The following RARG variants were observed in gnomAD, a reference collection of about 807,000 sequenced individuals.
RARG encodes the protein retinoic acid receptor gamma, also known as RAR-gamma.
Under a neutral mutation model 43.7 loss-of-function variants are expected in RARG, and 17 were observed. The ratio of observed to expected loss-of-function variants is 0.39; its 90% CI spans 0.27 to 0.58. The LOEUF (loss-of-function observed/expected upper bound fraction) is 0.58. Ranked by LOEUF, RARG falls within the 20% of genes least tolerant of loss-of-function variation. The probability of loss-of-function intolerance (pLI) is 0.57; values close to 1 mark genes in which losing one functional copy is unlikely to be tolerated. For missense variants in RARG, 346 were observed against 598.7 expected (o/e 0.58, Z 4.40); for synonymous variants, 238 against 236.4 (o/e 1.01, Z -0.06).
At position 53,215,231 on chromosome 12, in the gene RARG, G is replaced by C; in HGVS notation, c.475+62C>G. ...GGGAAGTGGGAGTGGCCAGAGGAAA[G>C]AGGGCCACAGCCATAGGGTAGGACC... is the stretch of plus-strand genomic sequence containing the variant. On this transcript the variant is annotated intron_variant, in intron 5 of 9. Transcript: ENST00000425354. The surrounding 1 kb of genome is among the most constrained non-coding windows in gnomAD (Gnocchi z 6.4). 6.3e-7 allele frequency: 1 copy of C among 1,581,544 alleles called. No individual in the cohort carries two copies. The highest frequency in any genetic ancestry group is 8.6e-7 in the Non-Finnish European group (1 of 1,161,780).
At chr12:53,220,526 C>T in intron 3 of RARG, 1 of 341,622 alleles carries the variant, frequency 2.9e-6, no homozygotes, top group South Asian at 7.4e-5. Flanking sequence ...CACATCCGTG[C>T]ATGCATTTAT....
At chr12:53,223,523 G>GCC (rs139275762) in intron 3 of RARG, among the ~76,000 whole-genome samples, 2,084 of 103,550 alleles carry the variant, frequency 0.02, 54 homozygotes, top group East Asian at 0.099. Context: ...GGCTCCCCCC[G>GCC]CCCCCCCCCC....
rs1028763275 is a variant in RARG, at chr12:53,213,915, A to G, written c.813+144T>C. On this transcript the variant is annotated intron_variant, in intron 7 of 9. Coordinates refer to ENST00000425354, the MANE Select transcript of RARG (RefSeq NM_000966.6). The surrounding 1 kb of genome is among the most constrained non-coding windows in gnomAD (Gnocchi z 4.7). ...AAGTCTAGGATCAGGTCATAGGGGC[A>G]GAGGCTAAGACGAAAAGAGAGCTGA... 8.7e-7 allele frequency: 1 copy of G among 1,145,400 alleles called. No individual in the cohort carries two copies. Among genetic ancestry groups the G allele is most frequent in the Non-Finnish European group, 1.3e-6 (1 of 799,992 alleles). The allele number at this position is 1,145,400 out of a possible 1,614,324, so 71.0% of individuals were successfully genotyped here.
Position 53,227,311 on chromosome 12 carries a change from A to C in RARG, c.184+51T>G. 6.8e-7 allele frequency: 1 copy of C among 1,476,660 alleles called. No homozygotes were observed. The highest frequency in any genetic ancestry group is 9.0e-7 in the Non-Finnish European group (1 of 1,106,426). 91.5% of individuals were successfully genotyped at this position (1,476,660 alleles called of 1,614,324 possible). ...AACTCTTTTACCATCCACCCTCCTG[A>C]TGCCTTCTTGTTAACATTTGCCTTC... On this transcript the variant is annotated intron_variant, in intron 3 of 9. Transcript: ENST00000425354. This position sits in a 1 kb window ranked among gnomAD's most constrained non-coding sequence, Gnocchi z 4.3.
chr12:53,229,663 C>T (rs1943185495), intron 2 of RARG, among the ~76,000 whole-genome samples: 1 of 152,186 alleles, frequency 6.6e-6, no homozygotes. Context: ...TTTGGGGGCC[C>T]CTGAGGCCCC....
At chr12:53,229,180 A>G (rs1391292022) in intron 2 of RARG, among the ~76,000 whole-genome samples, 1 of 152,224 alleles carries the variant, frequency 6.6e-6, no homozygotes, top group African/African-American at 2.4e-5. Flanking sequence ...AGTCAGAGCC[A>G]TAACAGACTG....
At position 53,227,584 on chromosome 12, in the gene RARG, G is replaced by A. The variant is rs1260578991; in HGVS notation, c.-39C>T. The A allele has an allele frequency of 6.9e-7, 1 of 1,456,226 alleles. No homozygotes were observed. Among genetic ancestry groups the A allele is most frequent in the Admixed American group, 2.6e-5 (1 of 38,868 alleles). 90.2% of individuals were successfully genotyped at this position (1,456,226 alleles called of 1,614,324 possible). On this transcript the variant is annotated 5_prime_UTR_variant, in exon 3 of 10. Coordinates refer to ENST00000425354, the MANE Select transcript of RARG (RefSeq NM_000966.6). This position sits in a 1 kb window ranked among gnomAD's most constrained non-coding sequence, Gnocchi z 4.3. ...TGAGAGTCCCCTGGGGTCTGCAGTGGGCGGGCGAGGTCTTCAGCCACAGCC... is the reference window on the plus strand; with the variant it reads ...TGAGAGTCCCCTGGGGTCTGCAGTGAGCGGGCGAGGTCTTCAGCCACAGCC...
At chr12:53,217,001 T>A (rs1441595576) in intron 3 of RARG, among the ~76,000 whole-genome samples, 2 of 152,146 alleles carry the variant, frequency 1.3e-5, no homozygotes, top group South Asian at 2.1e-4. Context: ...ACCCACCTCA[T>A]GAACACCTTC....
At chr12:53,222,732 A>AC (rs1375349682) in intron 3 of RARG, among the ~76,000 whole-genome samples, 6 of 149,448 alleles carry the variant, frequency 4.0e-5, no homozygotes, top group Admixed American at 2.0e-4. Context: ...ATCAACCCTG[A>AC]CCCCCCCATT....
Position 53,213,089 on chromosome 12 carries a change from A to G in RARG, c.1173T>C (p.Thr391=), listed in dbSNP as rs759977785. 3.7e-6 allele frequency: 6 copies of G among 1,612,360 alleles called. No individual in the cohort carries two copies. The highest frequency in any genetic ancestry group is 5.1e-6 in the Non-Finnish European group (6 of 1,179,082). Residue 391 remains threonine, a synonymous_variant, in exon 9 of 10, where the codon ACT becomes ACC. Coordinates refer to ENST00000425354, the MANE Select transcript of RARG (RefSeq NM_000966.6). This position sits in a 1 kb window ranked among gnomAD's most constrained non-coding sequence, Gnocchi z 4.7. ...GGACACCCACTCATGACTCACCCTT[A>G]GTGCTGATGCCCCGGAGGTCGGTGA... is the stretch of plus-strand genomic sequence containing the variant. ...MKITDLRGIS[T]KGAERAITLK... is the part of the protein sequence containing the mutation.
At chr12:53,220,586 G>C (rs1050330149) in intron 3 of RARG, among the ~76,000 whole-genome samples, 32 of 152,132 alleles carry the variant, frequency 2.1e-4, no homozygotes, top group Non-Finnish European at 4.4e-4. Context: ...ACATACATGT[G>C]AGCACGCATA....
chr12:53,220,369 A>T, intron 3 of RARG: 1 of 894,776 alleles, frequency 1.1e-6, no homozygotes. Flanking sequence ...CACTGGGGAG[A>T]CCTTTTTTAA....
chr12:53,223,428 C>T (rs1039415846), intron 3 of RARG, among the ~76,000 whole-genome samples: 4 of 123,676 alleles, frequency 3.2e-5, no homozygotes, highest in African/African-American at 1.3e-4. Context: ...GGATGTGAGG[C>T]GCGTTGGGCA....
chr12:53,217,696 G>T (rs114503824), intron 3 of RARG, among the ~76,000 whole-genome samples: 123 of 152,324 alleles, frequency 8.1e-4, no homozygotes, highest in African/African-American at 2.9e-3. Context: ...CTCGGGCTTA[G>T]ACCCCACCAT....
At position 53,227,288 on chromosome 12, in the gene RARG, C is replaced by G. The variant is rs1943131345; in HGVS notation, c.184+74G>C. 1.2e-5 allele frequency: 17 copies of G among 1,429,760 alleles called. No individual in the cohort carries two copies. The highest frequency in any genetic ancestry group is 1.4e-5 in the Non-Finnish European group (15 of 1,072,126). The allele number at this position is 1,429,760 out of a possible 1,614,324, so 88.6% of individuals were successfully genotyped here. A position where few individuals can be genotyped will look rare whatever the true frequency, so the allele number is the denominator to read the frequency against. ...CCTGCCTTCCTAACTGGGGTGCCAA[C>G]TCTTTTACCATCCACCCTCCTGATG... is the stretch of plus-strand genomic sequence containing the variant. On this transcript the variant is annotated intron_variant, in intron 3 of 9. Coordinates refer to ENST00000425354, the MANE Select transcript of RARG (RefSeq NM_000966.6). This position sits in a 1 kb window ranked among gnomAD's most constrained non-coding sequence, Gnocchi z 4.3.
chr12:53,213,503 G>A lies in RARG; in HGVS notation c.1011C>T (p.Ile337=). ...ETGLLSAICL[I]CGDRMDLEEP... ...CAGGGGGCGCCCCCGCACCTCCGCA[G>A]ATGAGGCAGATGGCGCTGAGCAGCC... The change falls in exon 8 of 10, where the codon ATC becomes ATT. Residue 337 remains isoleucine, a synonymous_variant. Coordinates refer to ENST00000425354, the MANE Select transcript of RARG (RefSeq NM_000966.6). The surrounding 1 kb of genome is among the most constrained non-coding windows in gnomAD (Gnocchi z 4.7). 4.3e-6 allele frequency: 7 copies of A among 1,613,544 alleles called. No individual in the cohort carries two copies. The highest frequency in any genetic ancestry group is 5.9e-6 in the Non-Finnish European group (7 of 1,180,008).
chr12:53,212,974 A>C (rs1432156424), intron 9 of RARG, 111 bp downstream of exon 9: 1 of 1,302,194 alleles, frequency 7.7e-7, no homozygotes, highest in Non-Finnish European at 1.0e-6. Flanking sequence ...ATTCCAGTGT[A>C]GATTGCCTGG....
Position 53,213,336 on chromosome 12 carries a change from G to C in RARG, c.1019-93C>G. 6.7e-7 allele frequency: 1 copy of C among 1,484,956 alleles called. No homozygotes were observed. Among genetic ancestry groups the C allele is most frequent in the Non-Finnish European group, 9.3e-7 (1 of 1,077,380 alleles). The allele number at this position is 1,484,956 out of a possible 1,614,324, so 92.0% of individuals were successfully genotyped here. ...TGATCACCAACCGGCGTTTTGGGAAGCCTGTACAGGGTTTCAGAACTCTCT... is the reference window on the plus strand; with the variant it reads ...TGATCACCAACCGGCGTTTTGGGAACCCTGTACAGGGTTTCAGAACTCTCT... On this transcript the variant is annotated intron_variant, in intron 8 of 9. Transcript: ENST00000425354. This position sits in a 1 kb window ranked among gnomAD's most constrained non-coding sequence, Gnocchi z 4.7.
At chr12:53,222,628 A>G (rs1943005184) in intron 3 of RARG, among the ~76,000 whole-genome samples, 1 of 151,922 alleles carries the variant, frequency 6.6e-6, no homozygotes, top group Non-Finnish European at 1.5e-5. Context: ...CACCAGATGC[A>G]CCCCACTCAT....
Sources: gnomAD v4.1 joint callset for allele counts (sites outside exome capture counted in the v4.1 genomes callset) on GRCh38, gnomAD v4.1.1 for gene constraint, Gnocchi (gnomAD v3.1) non-coding constraint, MANE v1.5 for transcripts, NCBI Gene and HGNC (gene_info 2026-07-23, HGNC 2026-07-21) for gene names.